The following CA10 variants were observed in gnomAD, a reference collection of about 807,000 sequenced individuals.
CA10 encodes carbonic anhydrase 10 (inactive).
In CA10, 14 loss-of-function variants were observed where a neutral mutation model predicts 44.2. The observed-to-expected ratio is 0.32, with a 90% CI of 0.21 to 0.50. The LOEUF is 0.50. Ranked by LOEUF, CA10 falls within the 20% of genes least tolerant of loss-of-function variation. The pLI, the probability that CA10 is intolerant of heterozygous loss-of-function variation, is 0.99. For missense variants in CA10, 350 were observed against 409.7 expected, an observed-to-expected ratio of 0.85 and a Z score of 1.26; for synonymous variants, 159 against 141.6, an observed-to-expected ratio of 1.12 and a Z score of -0.87.
intron 4 of CA10, among the ~76,000 whole-genome samples, chr17:51,692,273 T>C (rs1304830123): frequency 1.3e-5 from 2 of 149,464 alleles, no homozygotes; most frequent in African/African-American, 5.0e-5. Flanking sequence ...GTAAATGGGA[T>C]TGATTTCTTG....
chr17:51,717,846 T>C (rs1352869782), intron 4 of CA10, among the ~76,000 whole-genome samples: 7 of 84,644 alleles, frequency 8.3e-5, no homozygotes, highest in African/African-American at 3.5e-4. Flanking sequence ...TATATATATA[T>C]ATATATATAT....
chr17:51,664,650 A>G (rs958276781), intron 4 of CA10, among the ~76,000 whole-genome samples: 5 of 151,986 alleles, frequency 3.3e-5, no homozygotes, highest in Admixed American at 6.6e-5. Context: ...CAAGGAAGAC[A>G]GCTTCTAGAT....
At chr17:51,704,524 A>G (rs1915701493) in intron 4 of CA10, among the ~76,000 whole-genome samples, 1 of 152,218 alleles carries the variant, frequency 6.6e-6, no homozygotes, top group Admixed American at 6.5e-5. Flanking sequence ...CAGATATGCT[A>G]AGATTCTCTG....
At chr17:51,990,531 C>T (rs1475332521) in intron 2 of CA10, among the ~76,000 whole-genome samples, 2 of 151,994 alleles carry the variant, frequency 1.3e-5, no homozygotes, top group East Asian at 1.9e-4. Context: ...GGAGAGGAGA[C>T]AGTACAAAAC....
intron 4 of CA10, among the ~76,000 whole-genome samples, chr17:51,692,164 A>C (rs1915218336): frequency 6.6e-6 from 1 of 150,536 alleles, no homozygotes; most frequent in Non-Finnish European, 1.5e-5. Flanking sequence ...GTTCCTCTTC[A>C]ATTTCTTTTC....
intron 2 of CA10, among the ~76,000 whole-genome samples, chr17:51,954,612 G>T (rs1239252091): frequency 6.6e-6 from 1 of 152,184 alleles, no homozygotes; most frequent in Non-Finnish European, 1.5e-5. Flanking sequence ...CCAGTGTTCT[G>T]ATGCTTGTAA....
At chr17:52,129,077 T>C (rs1043965933) in intron 1 of CA10, among the ~76,000 whole-genome samples, 11 of 152,178 alleles carry the variant, frequency 7.2e-5, no homozygotes, top group African/African-American at 2.7e-4. Flanking sequence ...GGCCCTCGTG[T>C]AAAGAAGACT....
intron 2 of CA10, among the ~76,000 whole-genome samples, chr17:51,969,844 G>A (rs1047139272): frequency 4.6e-5 from 7 of 151,576 alleles, no homozygotes; most frequent in East Asian, 1.9e-4. Flanking sequence ...ACAAAGAAAC[G>A]GAAAAAAAAT....
At chr17:51,636,101 CATATACATACATAT>C in intron 6 of CA10, 92 bp from the exon 7 acceptor site, 2 of 632,404 alleles carry the variant, frequency 3.2e-6, no homozygotes, top group South Asian at 6.5e-5. Context: ...TATACATATA[CATATACATACATAT>C]ATACACACAC....
At chr17:52,107,221 C>A (rs185253611) in intron 1 of CA10, among the ~76,000 whole-genome samples, 28 of 152,176 alleles carry the variant, frequency 1.8e-4, no homozygotes, top group African/African-American at 2.6e-4. Context: ...AGGTGCCCTG[C>A]GATCGAGTCC....
chr17:52,020,576 G>A (rs1223097955), intron 2 of CA10, among the ~76,000 whole-genome samples: 1 of 151,746 alleles, frequency 6.6e-6, no homozygotes, highest in Non-Finnish European at 1.5e-5. Flanking sequence ...ATTTTACTTG[G>A]TATAGAATTT....
intron 2 of CA10, among the ~76,000 whole-genome samples, chr17:52,057,849 T>G (rs1158369223): frequency 6.6e-6 from 1 of 152,120 alleles, no homozygotes; most frequent in African/African-American, 2.4e-5. Flanking sequence ...GCACCCAGCA[T>G]GGAACACTCC....
rs112750577 is a variant in CA10 at position 52,037,665 on chromosome 17, T to C, written c.136+34654A>G. ...CTCCCCAAGGACATTCCAAGCCCTC[T>C]GTGATCCCCAGATGACACTAGACCA... On this transcript the variant is annotated intron_variant, in intron 2 of 8. Coordinates refer to ENST00000451037, the MANE Select transcript of CA10 (RefSeq NM_020178.5). Among the ~76,000 whole-genome samples, 750 of 152,276 alleles carry C rather than the reference T, an allele frequency of 4.9e-3. 2 individuals carry two copies. The highest frequency in any genetic ancestry group is 0.017 in the African/African-American group (707 of 41,578).
intron 1 of CA10, among the ~76,000 whole-genome samples, chr17:52,129,623 G>T (rs1293193340): frequency 6.6e-6 from 1 of 152,188 alleles, no homozygotes; most frequent in Non-Finnish European, 1.5e-5. Context: ...ACCAAAAACA[G>T]CTGAGAACGT....
rs1439249218 is a variant in CA10, at chr17:51,631,132, G to A, written c.*452C>T. The A allele has an allele frequency of 1.2e-5, 2 of 169,248 alleles. No individual in the cohort carries two copies. Among genetic ancestry groups the A allele is most frequent in the East Asian group, 1.7e-4 (1 of 5,826 alleles). 10.5% of individuals were successfully genotyped at this position (169,248 alleles called of 1,614,324 possible). ...GCAAAGTCCGTTTGATGCCATCAGA[G>A]CTGTATTTTCTCCTCTCTCTTTTGG... On this transcript the variant is annotated 3_prime_UTR_variant, in exon 9 of 9. Coordinates refer to ENST00000451037, the MANE Select transcript of CA10 (RefSeq NM_020178.5).
At chr17:52,116,899 T>C (rs1364891193) in intron 1 of CA10, among the ~76,000 whole-genome samples, 10 of 152,236 alleles carry the variant, frequency 6.6e-5, no homozygotes, top group Non-Finnish European at 1.0e-4. Context: ...TCTTAAGCTG[T>C]AGCCAATCTG....
intron 1 of CA10, 40 bp from the exon 2 acceptor site, chr17:52,072,433 G>C (rs897821145): frequency 6.3e-6 from 9 of 1,426,618 alleles, no homozygotes; most frequent in South Asian, 1.1e-5. Context: ...GATGATAGCA[G>C]AGAAGCACTG....
chr17:52,046,341 T>C lies in CA10; in HGVS notation c.136+25978A>G, dbSNP rs539313491. On this transcript the variant is annotated intron_variant, in intron 2 of 8. Transcript: ENST00000451037. ...AAAAGAATTTAATAGGAAAATAATA[T>C]ATAAAAGGTATAAATTATCAACAGT... Among the ~76,000 whole-genome samples the C allele has an allele frequency of 2.7e-5, 4 of 150,776 alleles. No homozygotes were observed. The East Asian group carries it at 7.9e-4, about 30-fold the overall frequency.
chr17:51,912,911 T>C (rs1981846622), intron 3 of CA10, among the ~76,000 whole-genome samples: 1 of 152,230 alleles, frequency 6.6e-6, no homozygotes. Flanking sequence ...TTCACATTAA[T>C]AGCATTCAAA....
Sources: allele counts gnomAD v4.1 joint callset (sites outside exome capture counted in the v4.1 genomes callset), GRCh38; gene constraint gnomAD v4.1.1; transcripts MANE v1.5; gene names NCBI Gene and HGNC (gene_info 2026-07-23, HGNC 2026-07-21).